The following GSTT4 variants were observed in gnomAD, a reference collection of about 807,000 sequenced individuals.
GSTT4 encodes the protein glutathione S-transferase theta 4.
At chr22:23,990,773 C>T in the GSTT4 span, among the ~76,000 whole-genome samples, 4 of 98,296 alleles carry the variant, frequency 4.1e-5, 2 homozygotes, top group Non-Finnish European at 9.3e-5. Flanking sequence ...GATATTCTTG[C>T]CCCACTCCAT....
chr22:23,994,395 A>C (rs1223715389), downstream of GSTT4, among the ~76,000 whole-genome samples: 2 of 151,968 alleles, frequency 1.3e-5, no homozygotes, highest in African/African-American at 4.8e-5. Context: ...CTCTGTACCC[A>C]ATAAAGAGTC....
downstream of GSTT4, among the ~76,000 whole-genome samples, chr22:23,994,235 T>C (rs556746007): frequency 1.5e-3 from 221 of 152,226 alleles, 1 homozygote; most frequent in Non-Finnish European, 2.6e-3. Flanking sequence ...TTATCAGATA[T>C]AATTCCCATA....
chr22:23,997,290 C>T (rs1036894673), downstream of GSTT4, among the ~76,000 whole-genome samples: 4 of 151,942 alleles, frequency 2.6e-5, no homozygotes, highest in Non-Finnish European at 5.9e-5. Context: ...AATCATAGCT[C>T]GGTGTAACCT....
intron 2 of GSTT4, among the ~76,000 whole-genome samples, chr22:24,001,703 C>CG (rs34498214): frequency 5.3e-5 from 8 of 152,214 alleles, no homozygotes; most frequent in African/African-American, 7.2e-5. Flanking sequence ...AAAACAAAAA[C>CG]GGGGGGGCAC....
At chr22:23,995,165 G>A (rs2034104413), downstream of GSTT4, among the ~76,000 whole-genome samples, 1 of 147,796 alleles carries the variant, frequency 6.8e-6, no homozygotes, top group Non-Finnish European at 1.5e-5. Context: ...TCAGAGTATC[G>A]CTCTGTCACC....
At position 23,998,448 on chromosome 22, in the gene GSTT4, G is replaced by GTTTTTTTTTTTTT. The variant is rs368378952; in HGVS notation, c.*93_*94insAAAAAAAAAAAAA. On this transcript the variant is annotated 3_prime_UTR_variant, in exon 5 of 5. Coordinates refer to ENST00000621179, the MANE Select transcript of GSTT4 (RefSeq NM_001358664.2). The stretch of plus-strand genomic sequence containing the variant: ...TTAGGCAAAGAACAGTTGTTTTTTT[G>GTTTTTTTTTTTTT]TTTTTTTGTTTTTTTTTTTTTAACA... 5.6e-5 allele frequency: 2 copies of GTTTTTTTTTTTTT among 35,592 alleles called. No individual in the cohort carries two copies. Among genetic ancestry groups the GTTTTTTTTTTTTT allele is most frequent in the African/African-American group, 1.7e-4 (2 of 11,586 alleles). 2.2% of individuals were successfully genotyped at this position (35,592 alleles called of 1,614,324 possible).
intron 3 of GSTT4, 138 bp downstream of exon 3, chr22:24,001,037 G>A (rs983300315): frequency 2.7e-5 from 3 of 112,480 alleles, no homozygotes; most frequent in South Asian, 6.7e-4. Context: ...GGCAGGAGAA[G>A]GAGCTGAGGA....
chr22:23,990,853 C>CT, the GSTT4 span, among the ~76,000 whole-genome samples: 162 of 66,112 alleles, frequency 2.5e-3, no homozygotes, highest in Middle Eastern at 8.5e-3. Context: ...TTTGTATTCA[C>CT]AAGCAAAGAT....
At chr22:24,003,357 C>G (rs953870924) in intron 2 of GSTT4, among the ~76,000 whole-genome samples, 2 of 152,216 alleles carry the variant, frequency 1.3e-5, no homozygotes, top group Non-Finnish European at 2.9e-5. Flanking sequence ...ACTACAGGTG[C>G]AGACCACCAT....
downstream of GSTT4, among the ~76,000 whole-genome samples, chr22:23,995,128 T>TTTTG (rs1555895380): frequency 6.6e-6 from 1 of 151,084 alleles, no homozygotes; most frequent in African/African-American, 2.4e-5. Flanking sequence ...ACAAGTTTTT[T>TTTTG]TTTTGTTTGT....
At chr22:23,996,960 G>C (rs888262300), downstream of GSTT4, among the ~76,000 whole-genome samples, 2 of 151,936 alleles carry the variant, frequency 1.3e-5, no homozygotes, top group African/African-American at 4.8e-5. Context: ...ATCTGGTCCT[G>C]GGCTTTTCTT....
the GSTT4 span, among the ~76,000 whole-genome samples, chr22:23,992,009 C>A: frequency 5.0e-5 from 7 of 140,092 alleles, no homozygotes; most frequent in African/African-American, 1.8e-4. Flanking sequence ...GCCGAGCTCA[C>A]GCCACTGCAC....
chr22:24,004,001 G>A (rs1035735996), intron 1 of GSTT4, among the ~76,000 whole-genome samples, 154 bp from the exon 2 acceptor site: 1 of 152,282 alleles, frequency 6.6e-6, no homozygotes. Context: ...ACAGGGCAAG[G>A]CAGTTGCAGA....
At chr22:23,991,916 G>A in the GSTT4 span, among the ~76,000 whole-genome samples, 3 of 145,076 alleles carry the variant, frequency 2.1e-5, no homozygotes, top group African/African-American at 7.5e-5. Context: ...AGCCGGGCGG[G>A]GTGGCGGGCG....
chr22:23,992,074 G>C, the GSTT4 span, among the ~76,000 whole-genome samples: 8 of 78,042 alleles, frequency 1.0e-4, no homozygotes, highest in African/African-American at 3.0e-4. Flanking sequence ...AAAAAAAAAA[G>C]GAAGAGGAGA....
chr22:23,990,327 G>C, the GSTT4 span, among the ~76,000 whole-genome samples: 44 of 142,916 alleles, frequency 3.1e-4, no homozygotes, highest in Non-Finnish European at 5.1e-4. Flanking sequence ...AAGAGACCCA[G>C]GGCCAGACAT....
At chr22:23,993,838 T>C (rs1285394651), downstream of GSTT4, among the ~76,000 whole-genome samples, 2 of 152,126 alleles carry the variant, frequency 1.3e-5, no homozygotes, top group African/African-American at 4.8e-5. Flanking sequence ...GACAAGGAGA[T>C]AGGGACAAGT....
In GSTT4 at chr22:23,998,694, C is replaced by T. The variant is rs540893821; in HGVS notation, c.574G>A (p.Ala192Thr). 6.5e-6 allele frequency: 1 copy of T among 154,920 alleles called. No homozygotes were observed. Among genetic ancestry groups the T allele is most frequent in the Admixed American group, 6.5e-5 (1 of 15,304 alleles). 9.6% of individuals were successfully genotyped at this position (154,920 alleles called of 1,614,324 possible). Reference protein sequence around the residue: ...YNVFLNSSKLAEWRMQVELNI... With the variant: ...YNVFLNSSKLTEWRMQVELNI... ...AGCTCCACCTGCATACGCCACTCAG[C>T]TAGCTTGGAGCTGTTGAGGAAGACA... Residue 192 changes from alanine to threonine, a missense_variant, in exon 5 of 5, where the codon GCT (alanine) becomes ACT (threonine). Ala to Thr is a moderately conservative substitution (Grantham distance 58). Coordinates refer to ENST00000621179, the MANE Select transcript of GSTT4 (RefSeq NM_001358664.2).
downstream of GSTT4, among the ~76,000 whole-genome samples, chr22:23,994,901 G>A (rs528609950): frequency 1.3e-5 from 2 of 152,160 alleles, no homozygotes; most frequent in East Asian, 3.9e-4. Context: ...TCTACAAAAT[G>A]GGCATAATAC....
Sources: gnomAD v4.1 joint callset for allele counts (sites outside exome capture counted in the v4.1 genomes callset) on GRCh38, gnomAD v4.1.1 for gene constraint, MANE v1.5 for transcripts, NCBI Gene and HGNC (gene_info 2026-07-23, HGNC 2026-07-21) for gene names.